FAAH2: variants seen among roughly 807,000 people sequenced by gnomAD.
FAAH2 encodes fatty acid amide hydrolase 2, also known as fatty-acid amide hydrolase 2.
A neutral mutation model predicts 36.9 loss-of-function variants in FAAH2; 60 were observed. That is an observed-to-expected ratio of 1.63 (90% CI 1.32 to 2.02). The LOEUF (loss-of-function observed/expected upper bound fraction) is 2.02. FAAH2 is among the 30% of genes most tolerant of loss of function. The pLI, the probability that FAAH2 is intolerant of heterozygous loss-of-function variation, is 0.00. For missense variants in FAAH2, 689 were observed against 397.5 expected, an observed-to-expected ratio of 1.73 and a Z score of -6.23; for synonymous variants, 214 against 143.8, an observed-to-expected ratio of 1.49 and a Z score of -3.49.
At chrX:57,456,728 C>G (rs2056870348) in intron 10 of FAAH2, among the ~76,000 whole-genome samples, 1 of 110,960 alleles carries the variant, frequency 9.0e-6, no homozygotes, top group African/African-American at 3.3e-5. Context: ...CACAACCTTC[C>G]AAGATAGAAT....
At chrX:57,484,305 C>A (rs185792257) in intron 10 of FAAH2, among the ~76,000 whole-genome samples, 2 of 110,946 alleles carry the variant, frequency 1.8e-5, no homozygotes, top group Admixed American at 9.6e-5. Context: ...TGATTTGGAC[C>A]CTTTGGCTTG....
chrX:57,325,268 G>A (rs912852311), intron 3 of FAAH2, among the ~76,000 whole-genome samples: 9 of 111,345 alleles, frequency 8.1e-5, no homozygotes, highest in East Asian at 5.6e-4. Flanking sequence ...TTTTTGCATT[G>A]ATGTTCATCA....
chrX:57,340,494 A>G (rs1474775180), intron 4 of FAAH2, among the ~76,000 whole-genome samples: 1 of 112,286 alleles, frequency 8.9e-6, no homozygotes, highest in East Asian at 2.8e-4. Flanking sequence ...ATGCACACAT[A>G]TGTTCATTGT....
rs145075534 is a variant in FAAH2, at chrX:57,361,164, T to A, written c.743-17487T>A. 2.0e-4 allele frequency among the ~76,000 whole-genome samples: 23 copies of A among 112,255 alleles called. No individual in the cohort carries two copies. The East Asian group carries it at 6.1e-3, about 30-fold the overall frequency. ...TTGATAGAATTCAGCAGTGAAACCA[T>A]CAGGTTACTGCTTCTATCTCATTAC... On this transcript the variant is annotated intron_variant, in intron 5 of 10. Coordinates refer to ENST00000374900, the MANE Select transcript of FAAH2 (RefSeq NM_174912.4).
chrX:57,242,366 C>A, the FAAH2 span, among the ~76,000 whole-genome samples: 16 of 112,132 alleles, frequency 1.4e-4, no homozygotes, highest in African/African-American at 4.2e-4. Flanking sequence ...AGAAAAGGGG[C>A]CTGATTGTTA....
chrX:57,292,308 T>A (rs1009310994), intron 1 of FAAH2, among the ~76,000 whole-genome samples, 190 bp from the exon 2 acceptor site: 2 of 111,784 alleles, frequency 1.8e-5, no homozygotes, highest in African/African-American at 3.2e-5. Flanking sequence ...TATTCCTGAC[T>A]TCTTACCTTC....
intron 3 of FAAH2, among the ~76,000 whole-genome samples, chrX:57,317,902 GC>G (rs751963686): frequency 7.7e-4 from 86 of 111,795 alleles, no homozygotes; most frequent in African/African-American, 2.7e-3. Context: ...TGAACAATCT[GC>G]TCCTGAATGA....
At chrX:57,382,622 C>A (rs1473982162) in intron 7 of FAAH2, among the ~76,000 whole-genome samples, 1 of 111,437 alleles carries the variant, frequency 9.0e-6, no homozygotes, top group Non-Finnish European at 1.9e-5. Context: ...CAAGACTAAA[C>A]CAGGAAGAAG....
chrX:57,469,948 C>T (rs1340026181), intron 10 of FAAH2, among the ~76,000 whole-genome samples: 1 of 111,732 alleles, frequency 8.9e-6, no homozygotes, highest in African/African-American at 3.3e-5. Context: ...AATAAACTCA[C>T]TCAAAACCAC....
chrX:57,436,170 A>T (rs1171931034), intron 8 of FAAH2, among the ~76,000 whole-genome samples: 1 of 111,180 alleles, frequency 9.0e-6, no homozygotes, highest in Non-Finnish European at 1.9e-5. Context: ...GAAACAAATG[A>T]AAAGGAAAAC....
At chrX:57,305,702 TATCTTGTGCCA>T (rs1203036356) in intron 2 of FAAH2, among the ~76,000 whole-genome samples, 1 of 111,839 alleles carries the variant, frequency 8.9e-6, no homozygotes, top group Non-Finnish European at 1.9e-5. Flanking sequence ...TTTTCAGCTT[TATCTTGTGCCA>T]TTCTCCCACA....
At chrX:57,459,706 G>T (rs2056924513) in intron 10 of FAAH2, among the ~76,000 whole-genome samples, 2 of 112,121 alleles carry the variant, frequency 1.8e-5, no homozygotes, top group South Asian at 3.7e-4. Context: ...AGACAAATAG[G>T]TTCTGGAGTG....
chrX:57,471,295 G>A (rs2057160493), intron 10 of FAAH2, among the ~76,000 whole-genome samples: 2 of 111,745 alleles, frequency 1.8e-5, no homozygotes. Context: ...AGGAAAAGAG[G>A]AAGTCAAATT....
Position 57,287,116 on chromosome X carries a change from A to C in FAAH2, c.192+99A>C, listed in dbSNP as rs1359954072. The C allele has an allele frequency of 3.0e-5, 26 of 864,866 alleles. No individual in the cohort carries two copies. The East Asian group carries it at 8.7e-4, about 29-fold the overall frequency. 71.3% of individuals were successfully genotyped at this position (864,866 alleles called of 1,213,427 possible). A position where few individuals can be genotyped will look rare whatever the true frequency, so the allele number is the denominator to read the frequency against. ...GGTTGTGGTTTCCTTTCCATTCTCT[A>C]CTAGGGCGACTTAGGAGAGGCATTT... On this transcript the variant is annotated intron_variant, in intron 1 of 10. Transcript: ENST00000374900.
chrX:57,394,719 G>T, intron 7 of FAAH2: 1 of 862,878 alleles, frequency 1.2e-6, no homozygotes, highest in Non-Finnish European at 1.7e-6. Flanking sequence ...TTCCACAGTT[G>T]ATGACTATTG....
At chrX:57,324,015 G>A (rs752007433) in intron 3 of FAAH2, among the ~76,000 whole-genome samples, 1 of 111,694 alleles carries the variant, frequency 9.0e-6, no homozygotes, top group African/African-American at 3.3e-5. Context: ...ATTAATTTTT[G>A]TATAAGGTGT....
At chrX:57,151,392 G>C in the FAAH2 span, among the ~76,000 whole-genome samples, 2 of 111,741 alleles carry the variant, frequency 1.8e-5, no homozygotes, top group Admixed American at 1.9e-4. Context: ...TCACTTTCAG[G>C]TACACCAATC....
chrX:57,211,437 G>A, the FAAH2 span, among the ~76,000 whole-genome samples: 2 of 111,615 alleles, frequency 1.8e-5, no homozygotes, highest in Non-Finnish European at 1.9e-5. Flanking sequence ...GCCCCACCCA[G>A]CTTTGCCCTT....
chrX:57,172,032 G>A, the FAAH2 span, among the ~76,000 whole-genome samples: 1 of 111,401 alleles, frequency 9.0e-6, no homozygotes, highest in African/African-American at 3.3e-5. Flanking sequence ...TTAGGTTTTT[G>A]TATGCTTTGT....
Sources: allele counts gnomAD v4.1 joint callset (sites outside exome capture counted in the v4.1 genomes callset), GRCh38; gene constraint gnomAD v4.1.1; transcripts MANE v1.5; gene names NCBI Gene and HGNC (gene_info 2026-07-23, HGNC 2026-07-21).